The following FYCO1 variants were observed in gnomAD, a reference collection of about 807,000 sequenced individuals.
FYCO1 encodes the protein FYVE and coiled-coil domain autophagy adaptor 1.
FYCO1 carries 122 observed loss-of-function variants against 165.1 expected under a neutral mutation model. The ratio of observed to expected loss-of-function variants is 0.74; its 90% CI spans 0.64 to 0.86. The LOEUF (loss-of-function observed/expected upper bound fraction) is 0.86, where lower values mean the gene tolerates loss of function less well. Ranked by LOEUF, FYCO1 falls within the 40% of genes least tolerant of loss-of-function variation. FYCO1 has a pLI of 0.00. For synonymous variants in FYCO1, 648 were observed against 742.5 expected (o/e 0.87, Z 2.07); for missense variants, 1,702 against 1,810.3 (o/e 0.94, Z 1.09).
Position 45,975,264 on chromosome 3 carries a change from A to T in FYCO1, c.370T>A (p.Cys124Ser). The T allele has an allele frequency of 6.2e-7, 1 of 1,613,560 alleles. No individual in the cohort carries two copies. Among genetic ancestry groups the T allele is most frequent in the Non-Finnish European group, 8.5e-7 (1 of 1,179,452 alleles). The change falls in exon 5 of 18, where the codon TGC becomes AGC. Residue 124 changes from cysteine (C) to serine (S), a missense_variant. By Grantham distance (112) the Cys-to-Ser change is moderately radical (BLOSUM62 -1). Coordinates refer to ENST00000296137, the MANE Select transcript of FYCO1 (RefSeq NM_024513.4). Reference sequence around the variant, plus strand: ...CTGGTCACTTTGGTGTTCATGAAGCACTGCTGTAAGGTGTCTGCCAACCTC... The same window carrying T: ...CTGGTCACTTTGGTGTTCATGAAGCTCTGCTGTAAGGTGTCTGCCAACCTC... ...HQRLADTLQQ[C>S]FMNTKVTSDW...
chr3:45,950,920 G>T (rs1463495549), intron 14 of FYCO1, among the ~76,000 whole-genome samples: 1 of 152,160 alleles, frequency 6.6e-6, no homozygotes, highest in Non-Finnish European at 1.5e-5. Context: ...TTCTCATTTT[G>T]TTTCTGAGAT....
chr3:45,968,581 C>A lies in FYCO1; in HGVS notation c.753G>T (p.Glu251Asp), dbSNP rs3821885. The A allele has an allele frequency of 1.0e-4, 162 of 1,613,996 alleles. No homozygotes were observed. The East Asian group carries it at 3.0e-3, about 30-fold the overall frequency. ...TCTCTCTGTCCAGCTGCTGCATGCG[C>A]TCCCGTAGCTGCTTCTCCCGCACCT... ...QLEVREKQLR[E>D]RMQQLDRENQ... The change falls in exon 8 of 18, where the codon GAG becomes GAT. Residue 251 changes from glutamate to aspartate, a missense_variant. Coordinates refer to ENST00000296137, the MANE Select transcript of FYCO1 (RefSeq NM_024513.4).
chr3:45,958,383 T>G, intron 13 of FYCO1, 25 bp downstream of exon 13: 1 of 1,601,596 alleles, frequency 6.2e-7, no homozygotes, highest in Admixed American at 1.7e-5. Context: ...GAGAACATAG[T>G]AGGCAGTAGT....
intron 9 of FYCO1, 25 bp downstream of exon 9, chr3:45,965,008 A>C (rs1705917862): frequency 6.3e-7 from 1 of 1,585,642 alleles, no homozygotes; most frequent in Admixed American, 1.7e-5. Context: ...CCTCTCCCTG[A>C]CAGGTCTACA....
intron 14 of FYCO1, chr3:45,948,305 G>A (rs962446111): frequency 1.8e-5 from 3 of 166,510 alleles, no homozygotes; most frequent in African/African-American, 7.2e-5. Context: ...TATATTACTA[G>A]CATATGAGTT....
At chr3:45,959,170 A>T (rs190933143) in intron 12 of FYCO1, among the ~76,000 whole-genome samples, 1 of 152,220 alleles carries the variant, frequency 6.6e-6, no homozygotes, top group East Asian at 1.9e-4. Flanking sequence ...AACTCCATCC[A>T]CATCTCTGTA....
intron 17 of FYCO1, 102 bp downstream of exon 17, chr3:45,923,554 A>C (rs1361859462): frequency 3.8e-6 from 3 of 785,650 alleles, no homozygotes; most frequent in Non-Finnish European, 7.0e-6. Flanking sequence ...AATTAATAAT[A>C]AGTTACTGAC....
At chr3:45,939,790 T>C (rs1403270004) in intron 14 of FYCO1, among the ~76,000 whole-genome samples, 2 of 152,240 alleles carry the variant, frequency 1.3e-5, no homozygotes, top group African/African-American at 4.8e-5. Context: ...AGTTTAGAAC[T>C]GCACTCTTCA....
At chr3:45,960,292 A>G (rs897159436) in intron 11 of FYCO1, among the ~76,000 whole-genome samples, 14 of 152,212 alleles carry the variant, frequency 9.2e-5, no homozygotes, top group African/African-American at 3.4e-4. Context: ...TGGCTCTAGC[A>G]GCACCTCAGC....
At chr3:45,928,078 T>C (rs1308904172) in intron 16 of FYCO1, among the ~76,000 whole-genome samples, 1 of 152,204 alleles carries the variant, frequency 6.6e-6, no homozygotes, top group Non-Finnish European at 1.5e-5. Context: ...AGATTAGTGG[T>C]CACTGGGGGC....
rs1319574112 is a variant in FYCO1 at position 45,918,073 on chromosome 3, A to G, written c.*3692T>C. ...GTGCTTCTAGATAATTCTTTGGCAG[A>G]TAAGAATGAATTGGGGTCCCAGACC... On this transcript the variant is annotated 3_prime_UTR_variant, in exon 18 of 18. Coordinates refer to ENST00000296137, the MANE Select transcript of FYCO1 (RefSeq NM_024513.4). The G allele has an allele frequency of 1.3e-5, 2 of 152,632 alleles. No homozygotes were observed. Among genetic ancestry groups the G allele is most frequent in the African/African-American group, 2.4e-5 (1 of 41,448 alleles). 9.5% of individuals were successfully genotyped at this position (152,632 alleles called of 1,614,324 possible).
chr3:45,924,620 T>A (rs1703234110), intron 16 of FYCO1, among the ~76,000 whole-genome samples: 1 of 149,702 alleles, frequency 6.7e-6, no homozygotes, highest in East Asian at 1.9e-4. Flanking sequence ...TTTTTTTTCC[T>A]TTTTTTTTCT....
Position 45,966,773 on chromosome 3 carries a change from G to A in FYCO1, c.2561C>T (p.Ala854Val), listed in dbSNP as rs970361499. 1 of 1,609,860 alleles carries A rather than the reference G, an allele frequency of 6.2e-7. No homozygotes were observed. The highest frequency in any genetic ancestry group is 8.5e-7 in the Non-Finnish European group (1 of 1,179,982). ...CTCATCGGCCCTCTCCTCCTGCAGT[G>A]CCCCTTCACGCTCCGAGCATTGCAG... ...ELLQCSEREG[A>V]LQEERADEAQ... Residue 854 changes from alanine (A) to valine (V), a missense_variant, in exon 8 of 18, where the codon GCA becomes GTA. Physicochemically the swap from Ala to Val is moderately conservative, Grantham distance 64 (BLOSUM62 0). Coordinates refer to ENST00000296137, the MANE Select transcript of FYCO1 (RefSeq NM_024513.4).
At position 45,947,297 on chromosome 3, in the gene FYCO1, G is replaced by A. The variant is rs150362180; in HGVS notation, c.3944+7952C>T. On this transcript the variant is annotated intron_variant, in intron 14 of 17. Transcript: ENST00000296137. ...CCAGCTTTCACTACACCATCATGGT[G>A]ACAGAGGCCATCGCATACCTGAGGG... 2.5e-4 allele frequency: 406 copies of A among 1,614,132 alleles called. 1 individual carries two copies. The East Asian group carries it at 8.3e-3, about 33-fold the overall frequency.
chr3:45,958,351 G>C, intron 13 of FYCO1, 57 bp downstream of exon 13: 2 of 1,483,184 alleles, frequency 1.3e-6, no homozygotes, highest in Non-Finnish European at 1.9e-6. Flanking sequence ...CACAACATCG[G>C]TAGGGGAGGA....
intron 1 of FYCO1, among the ~76,000 whole-genome samples, chr3:45,986,826 A>G (rs1204752542): frequency 6.6e-6 from 1 of 152,162 alleles, no homozygotes; most frequent in Non-Finnish European, 1.5e-5. Context: ...CCCTAGAGAG[A>G]GCCAGAGAGG....
chr3:45,957,528 A>G (rs1705411196), intron 13 of FYCO1, among the ~76,000 whole-genome samples: 3 of 152,252 alleles, frequency 2.0e-5, no homozygotes, highest in Non-Finnish European at 4.4e-5. Flanking sequence ...AAGAACTTGC[A>G]TAGAGAATAT....
intron 14 of FYCO1, among the ~76,000 whole-genome samples, chr3:45,940,359 T>C (rs1359984521): frequency 1.3e-5 from 2 of 152,012 alleles, no homozygotes; most frequent in Admixed American, 1.3e-4. Flanking sequence ...ATCTCAGGAG[T>C]TGGGCGAGTG....
chr3:45,924,334 C>T (rs973975464), intron 16 of FYCO1, among the ~76,000 whole-genome samples: 1 of 152,152 alleles, frequency 6.6e-6, no homozygotes, highest in Non-Finnish European at 1.5e-5. Flanking sequence ...GCCTCAGCCT[C>T]CTATTCACTC....
Sources: allele counts gnomAD v4.1 joint callset (sites outside exome capture counted in the v4.1 genomes callset), GRCh38; gene constraint gnomAD v4.1.1; transcripts MANE v1.5; gene names NCBI Gene and HGNC (gene_info 2026-07-23, HGNC 2026-07-21).